Variants in IL1RAPL1 observed in about 807,000 individuals in gnomAD.
The protein encoded by IL1RAPL1 is interleukin 1 receptor accessory protein like 1.
A neutral mutation model predicts 48.4 loss-of-function variants in IL1RAPL1; 3 were observed. The observed-to-expected ratio is 0.06, with a 90% CI of 0.03 to 0.16. IL1RAPL1 has a LOEUF of 0.16. Among genes scored for constraint, IL1RAPL1 ranks in the 10% least tolerant of loss-of-function variants. The probability of loss-of-function intolerance (pLI) is 1.00; values close to 1 mark genes in which losing one functional copy is unlikely to be tolerated. For missense variants in IL1RAPL1, 349 were observed against 530.6 expected, an observed-to-expected ratio of 0.66 and a Z score of 3.36; for synonymous variants, 185 against 187.7, an observed-to-expected ratio of 0.99 and a Z score of 0.12.
chrX:29,606,704 A>G (rs954004402), intron 5 of IL1RAPL1, among the ~76,000 whole-genome samples: 2 of 112,031 alleles, frequency 1.8e-5, no homozygotes, highest in East Asian at 5.6e-4. Flanking sequence ...AATAGTTTGG[A>G]ATTGCCTGAG....
At chrX:29,537,956 A>G (rs1390259630) in intron 5 of IL1RAPL1, among the ~76,000 whole-genome samples, 1 of 111,571 alleles carries the variant, frequency 9.0e-6, no homozygotes, top group Non-Finnish European at 1.9e-5. Flanking sequence ...AGAAACTAGT[A>G]ATTATTTCAC....
chrX:29,408,014 C>T (rs1188672135), intron 5 of IL1RAPL1, among the ~76,000 whole-genome samples: 1 of 111,767 alleles, frequency 8.9e-6, no homozygotes, highest in Non-Finnish European at 1.9e-5. Context: ...GGATTCCTTG[C>T]ACTAAACTCT....
chrX:28,932,704 CTT>C (rs368350138), intron 2 of IL1RAPL1, among the ~76,000 whole-genome samples: 1 of 100,251 alleles, frequency 1.0e-5, no homozygotes. Flanking sequence ...TGTCTTTACA[CTT>C]TTTTTTTTTT....
intron 2 of IL1RAPL1, among the ~76,000 whole-genome samples, chrX:29,089,749 A>AATAT (rs1159198583): frequency 0.19 from 3,230 of 16,911 alleles, 410 homozygotes; most frequent in Admixed American, 0.23. Context: ...GAGAAATATG[A>AATAT]ATATATATAT....
intron 1 of IL1RAPL1, among the ~76,000 whole-genome samples, chrX:28,708,082 A>C (rs1365172863): frequency 9.0e-6 from 1 of 111,659 alleles, no homozygotes; most frequent in Non-Finnish European, 1.9e-5. Context: ...GGCCCCTACC[A>C]GTTTCAACAG....
intron 5 of IL1RAPL1, among the ~76,000 whole-genome samples, chrX:29,407,425 G>T (rs898497030): frequency 8.9e-6 from 1 of 111,931 alleles, no homozygotes; most frequent in Admixed American, 9.5e-5. Flanking sequence ...TCCAAATTTT[G>T]TTTCAAATAT....
intron 6 of IL1RAPL1, among the ~76,000 whole-genome samples, chrX:29,690,073 A>G (rs1019858839): frequency 8.9e-6 from 1 of 111,931 alleles, no homozygotes; most frequent in African/African-American, 3.2e-5. Flanking sequence ...AGAAGTATAA[A>G]TCTTATTGTT....
chrX:29,917,837 G>C (rs1188118792), intron 7 of IL1RAPL1, among the ~76,000 whole-genome samples: 4 of 109,043 alleles, frequency 3.7e-5, no homozygotes, highest in Non-Finnish European at 7.6e-5. Flanking sequence ...CACATACTGA[G>C]TGCGGCTGGG....
chrX:29,920,128 T>C, intron 8 of IL1RAPL1, 34 bp downstream of exon 8: 1 of 1,202,769 alleles, frequency 8.3e-7, no homozygotes, highest in Middle Eastern at 2.3e-4. Context: ...GGTGGTCAAC[T>C]GAATGTATGA....
chrX:29,401,564 G>GT (rs1292970274), intron 5 of IL1RAPL1, among the ~76,000 whole-genome samples: 2 of 109,558 alleles, frequency 1.8e-5, no homozygotes, highest in African/African-American at 3.3e-5. Context: ...AGGAATCACT[G>GT]TTTTTTATCT....
At chrX:29,240,742 C>T (rs189149969) in intron 2 of IL1RAPL1, among the ~76,000 whole-genome samples, 107 of 110,967 alleles carry the variant, frequency 9.6e-4, no homozygotes, top group Non-Finnish European at 1.8e-3. Flanking sequence ...GCTTTTTTTC[C>T]AACTGCATAT....
At chrX:29,638,274 T>C (rs1350368316) in intron 5 of IL1RAPL1, among the ~76,000 whole-genome samples, 1 of 106,953 alleles carries the variant, frequency 9.3e-6, no homozygotes, top group East Asian at 2.9e-4. Flanking sequence ...TTAACTTTTT[T>C]TTTTTTTTTT....
chrX:29,663,967 C>A (rs946185701), intron 5 of IL1RAPL1, among the ~76,000 whole-genome samples: 2 of 112,172 alleles, frequency 1.8e-5, no homozygotes, highest in Non-Finnish European at 3.8e-5. Context: ...ATGTCACATT[C>A]TCCATATAAA....
intron 5 of IL1RAPL1, among the ~76,000 whole-genome samples, chrX:29,610,529 T>G (rs1924055174): frequency 8.9e-6 from 1 of 112,408 alleles, no homozygotes; most frequent in Non-Finnish European, 1.9e-5. Context: ...TTCCAGAAAT[T>G]AAATCTCCTG....
chrX:29,184,876 C>T (rs1930221058), intron 2 of IL1RAPL1, among the ~76,000 whole-genome samples: 1 of 111,997 alleles, frequency 8.9e-6, no homozygotes, highest in Non-Finnish European at 1.9e-5. Flanking sequence ...TTTGTGAAAG[C>T]ACAAGTAAAA....
chrX:28,839,160 G>A (rs1414451321), intron 2 of IL1RAPL1, among the ~76,000 whole-genome samples: 3 of 111,422 alleles, frequency 2.7e-5, no homozygotes, highest in African/African-American at 9.7e-5. Flanking sequence ...AGTTTAAAAC[G>A]ATGAAACAGT....
At chrX:29,109,246 A>T (rs1928511331) in intron 2 of IL1RAPL1, among the ~76,000 whole-genome samples, 1 of 108,953 alleles carries the variant, frequency 9.2e-6, no homozygotes, top group Non-Finnish European at 1.9e-5. Flanking sequence ...TTTAAAGAAG[A>T]TAGGTTATTG....
intron 5 of IL1RAPL1, among the ~76,000 whole-genome samples, chrX:29,595,023 A>G (rs918419668): frequency 8.9e-6 from 1 of 112,369 alleles, no homozygotes; most frequent in Admixed American, 9.5e-5. Context: ...TTAGAATAAC[A>G]GTCTCCAGTT....
chrX:29,806,377 A>G (rs369246992), intron 6 of IL1RAPL1, among the ~76,000 whole-genome samples: 129 of 112,168 alleles, frequency 1.2e-3, no homozygotes, highest in African/African-American at 4.0e-3. Context: ...AATTGAAAAC[A>G]TAAGTAAGGC....
Sources: allele counts gnomAD v4.1 joint callset (sites outside exome capture counted in the v4.1 genomes callset), GRCh38; gene constraint gnomAD v4.1.1; transcripts MANE v1.5; gene names NCBI Gene and HGNC (gene_info 2026-07-23, HGNC 2026-07-21).